The following TOX3 variants were observed in gnomAD, a reference collection of about 807,000 sequenced individuals.
The protein encoded by TOX3 is TOX high mobility group box family member 3, also known as CAG trinucleotide repeat-containing gene F9 protein.
TOX3 carries 22 observed loss-of-function variants against 64.3 expected under a neutral mutation model. The observed-to-expected ratio is 0.34, with a 90% CI of 0.24 to 0.49. TOX3 has a LOEUF of 0.49. Ranked by LOEUF, TOX3 falls within the 20% of genes least tolerant of loss-of-function variation. The pLI, the probability that TOX3 is intolerant of heterozygous loss-of-function variation, is 0.99. For missense variants in TOX3, 661 were observed against 714.4 expected (o/e 0.93, Z 0.85); for synonymous variants, 291 against 273.6 (o/e 1.06, Z -0.63).
At chr16:52,446,242 T>G (rs1437373687) in intron 4 of TOX3, 21 bp from the exon 5 acceptor site, 1 of 1,608,308 alleles carries the variant, frequency 6.2e-7, no homozygotes. Context: ...GGAAGAAAAT[T>G]CACTGCCTAG....
intron 1 of TOX3, among the ~76,000 whole-genome samples, chr16:52,496,496 T>C (rs1325980390): frequency 6.6e-6 from 1 of 152,234 alleles, no homozygotes; most frequent in African/African-American, 2.4e-5. Context: ...ATCAAAATGA[T>C]CCTCTTTGCC....
intron 2 of TOX3, among the ~76,000 whole-genome samples, chr16:52,467,925 C>A (rs917699880): frequency 6.6e-6 from 1 of 152,286 alleles, no homozygotes; most frequent in South Asian, 2.1e-4. Context: ...TTGGAGCATG[C>A]CAGCCACTCA....
chr16:52,492,564 A>ATATATATATATAT (rs1961721045), intron 1 of TOX3, among the ~76,000 whole-genome samples: 2 of 90,682 alleles, frequency 2.2e-5, no homozygotes, highest in South Asian at 4.0e-4. Flanking sequence ...GTTGTATATA[A>ATATATATATATAT]ATATATATAT....
chr16:52,491,333 T>C (rs1482769147), intron 1 of TOX3, among the ~76,000 whole-genome samples: 4 of 152,124 alleles, frequency 2.6e-5, no homozygotes, highest in African/African-American at 7.2e-5. Flanking sequence ...CACTGGACTA[T>C]GATTGGTTTC....
intron 1 of TOX3, among the ~76,000 whole-genome samples, chr16:52,497,290 A>G (rs1281174948): frequency 6.6e-6 from 1 of 152,240 alleles, no homozygotes; most frequent in East Asian, 1.9e-4. Context: ...TGTTCAATCT[A>G]TATAAATTTA....
At chr16:52,526,316 T>C (rs1459647053) in intron 1 of TOX3, among the ~76,000 whole-genome samples, 1 of 152,198 alleles carries the variant, frequency 6.6e-6, no homozygotes, top group Admixed American at 6.5e-5. Context: ...GAGGGCACAC[T>C]GAATTAAACA....
intron 1 of TOX3, among the ~76,000 whole-genome samples, chr16:52,474,081 C>T (rs995541257): frequency 2.0e-5 from 3 of 152,128 alleles, no homozygotes; most frequent in Non-Finnish European, 4.4e-5. Flanking sequence ...AGACCTATGT[C>T]CAAAACTGAA....
Position 52,439,452 on chromosome 16 carries a change from T to C in TOX3, c.1504A>G (p.Asn502Asp). The change falls in exon 7 of 7, where the codon AAT becomes GAT. Residue 502 changes from asparagine (N) to aspartate (D), a missense_variant. Around this residue, in one of 3 missense-constraint regions of TOX3, gnomAD observed 299 missense variants for 292.1 expected, o/e 1.02. Transcript: ENST00000219746. ...AGCTGCTGCTGCAGCTGCTGTTGAT[T>C]AATTTGCTGCTGGAGATGCTGCTGC... ...QQQQHLQQQI[N>D]QQQLQQQLQQ... The C allele has an allele frequency of 6.7e-7, 1 of 1,497,176 alleles. No homozygotes were observed. Among genetic ancestry groups the C allele is most frequent in the Non-Finnish European group, 9.1e-7 (1 of 1,096,550 alleles). 92.7% of individuals were successfully genotyped at this position (1,497,176 alleles called of 1,614,324 possible).
chr16:52,438,876 C>T lies in TOX3; in HGVS notation c.*349G>A, dbSNP rs1165159858. The T allele has an allele frequency of 5.8e-6, 3 of 516,644 alleles. No homozygotes were observed. The highest frequency in any genetic ancestry group is 5.3e-5 in the East Asian group (1 of 18,724). The allele number at this position is 516,644 out of a possible 1,614,324, so 32.0% of individuals were successfully genotyped here. A position where few individuals can be genotyped will look rare whatever the true frequency, so the allele number is the denominator to read the frequency against. The stretch of plus-strand genomic sequence containing the variant: ...TTACTCACTTCTGGAGAAATAAGGC[C>T]ATTTTTCTATGACTCAGAGAGGCCA... On this transcript the variant is annotated 3_prime_UTR_variant, in exon 7 of 7. Coordinates refer to ENST00000219746, the MANE Select transcript of TOX3 (RefSeq NM_001080430.4).
chr16:52,535,395 G>A (rs529811081), intron 1 of TOX3, among the ~76,000 whole-genome samples: 19 of 152,218 alleles, frequency 1.2e-4, no homozygotes, highest in African/African-American at 1.7e-4. Context: ...GGAAACCTCC[G>A]TTTGCCCTTG....
intron 1 of TOX3, among the ~76,000 whole-genome samples, chr16:52,513,030 A>G (rs1962352186): frequency 1.3e-5 from 2 of 152,236 alleles, no homozygotes; most frequent in Non-Finnish European, 2.9e-5. Context: ...GTCACGTTGC[A>G]TACCACTGCG....
At chr16:52,517,990 T>C (rs1395548838) in intron 1 of TOX3, among the ~76,000 whole-genome samples, 2 of 151,978 alleles carry the variant, frequency 1.3e-5, no homozygotes, top group Admixed American at 6.6e-5. Context: ...ACAGATGGAG[T>C]ATACTAAATA....
chr16:52,474,417 T>C (rs1035654649), intron 1 of TOX3, among the ~76,000 whole-genome samples: 41 of 151,796 alleles, frequency 2.7e-4, no homozygotes, highest in African/African-American at 9.2e-4. Context: ...CTTTCGAAAA[T>C]CTAAGTTTAG....
chr16:52,498,188 C>T (rs1426592012), intron 1 of TOX3, among the ~76,000 whole-genome samples: 1 of 152,134 alleles, frequency 6.6e-6, no homozygotes, highest in East Asian at 1.9e-4. Context: ...ACAATCATGT[C>T]ATCAACCAAA....
chr16:52,531,627 A>G (rs1309777575), intron 1 of TOX3, among the ~76,000 whole-genome samples: 1 of 152,254 alleles, frequency 6.6e-6, no homozygotes, highest in African/African-American at 2.4e-5. Context: ...TACAAATTAA[A>G]AAGTGGGTCA....
Position 52,439,158 on chromosome 16 carries a change from C to T in TOX3, c.*67G>A. On this transcript the variant is annotated 3_prime_UTR_variant, in exon 7 of 7. Coordinates refer to ENST00000219746, the MANE Select transcript of TOX3 (RefSeq NM_001080430.4). The stretch of plus-strand genomic sequence containing the variant: ...ACCAACACCAACTTACAGGTTTCAG[C>T]CACATATGCTTTTCCCTCCTATGCC... The T allele has an allele frequency of 6.2e-7, 1 of 1,604,350 alleles. No homozygotes were observed. The highest frequency in any genetic ancestry group is 8.5e-7 in the Non-Finnish European group (1 of 1,175,200).
intron 1 of TOX3, among the ~76,000 whole-genome samples, chr16:52,546,220 G>A (rs1268083423): frequency 6.6e-6 from 1 of 152,112 alleles, no homozygotes; most frequent in Non-Finnish European, 1.5e-5. Flanking sequence ...AAGGACTGGG[G>A]GTGGGGGAGG....
intron 3 of TOX3, among the ~76,000 whole-genome samples, chr16:52,452,355 G>A (rs1161039579): frequency 1.3e-5 from 2 of 152,130 alleles, no homozygotes; most frequent in African/African-American, 4.8e-5. Flanking sequence ...TTTTGTCCTT[G>A]TGATAGATTG....
At chr16:52,528,194 T>C (rs901401376) in intron 1 of TOX3, among the ~76,000 whole-genome samples, 14 of 152,220 alleles carry the variant, frequency 9.2e-5, no homozygotes, top group Admixed American at 2.6e-4. Context: ...TCTTAGGATG[T>C]TAACAATATT....
Sources: gnomAD v4.1 joint callset for allele counts (sites outside exome capture counted in the v4.1 genomes callset) on GRCh38, gnomAD v4.1.1 for gene constraint, gnomAD v4.1.1 regional missense constraint, MANE v1.5 for transcripts, NCBI Gene and HGNC (gene_info 2026-07-23, HGNC 2026-07-21) for gene names.